The following LHFPL3 variants were observed in gnomAD, a reference collection of about 807,000 sequenced individuals.
The protein encoded by LHFPL3 is LHFPL tetraspan subfamily member 3 protein.
In LHFPL3, 5 loss-of-function variants were observed where a neutral mutation model predicts 19.3. The ratio of observed to expected loss-of-function variants is 0.26; its 90% CI spans 0.14 to 0.54. LHFPL3 has a LOEUF of 0.54. Among genes scored for constraint, LHFPL3 ranks in the 20% least tolerant of loss-of-function variants. The probability of loss-of-function intolerance (pLI) is 0.94; values close to 1 mark genes in which losing one functional copy is unlikely to be tolerated. For missense variants in LHFPL3, 249 were observed against 307.4 expected, an observed-to-expected ratio of 0.81 and a Z score of 1.42; for synonymous variants, 133 against 126.2, an observed-to-expected ratio of 1.05 and a Z score of -0.36.
At chr7:104,752,993 C>T (rs1052733937) in intron 2 of LHFPL3, among the ~76,000 whole-genome samples, 1 of 152,196 alleles carries the variant, frequency 6.6e-6, no homozygotes, top group South Asian at 2.1e-4. Flanking sequence ...TTAGGGGTCA[C>T]TCTTTGTGTT....
At chr7:104,764,418 G>A (rs774999967) in intron 2 of LHFPL3, among the ~76,000 whole-genome samples, 32 of 152,172 alleles carry the variant, frequency 2.1e-4, no homozygotes, top group South Asian at 6.2e-4. Context: ...TGATCCACCC[G>A]CCTTGGCCTC....
At chr7:104,411,561 A>C (rs948066286) in intron 1 of LHFPL3, among the ~76,000 whole-genome samples, 1 of 152,156 alleles carries the variant, frequency 6.6e-6, no homozygotes, top group Admixed American at 6.5e-5. Flanking sequence ...CATAGATCTG[A>C]TTAAAACTTA....
At chr7:104,604,837 T>C (rs1304112861) in intron 1 of LHFPL3, among the ~76,000 whole-genome samples, 1 of 152,338 alleles carries the variant, frequency 6.6e-6, no homozygotes, top group East Asian at 1.9e-4. Context: ...TCAAAGCTGC[T>C]AGGCCATGCA....
At chr7:104,894,507 T>C (rs1230097564) in intron 2 of LHFPL3, 1 of 152,324 alleles carries the variant, frequency 6.6e-6, no homozygotes, top group South Asian at 2.1e-4. Flanking sequence ...TTCAGTCCGC[T>C]GGCACCTTCA....
rs548937839 is a variant in LHFPL3 at position 104,541,630 on chromosome 7, G to C, written c.446-195045G>C. 5.9e-5 allele frequency among the ~76,000 whole-genome samples: 9 copies of C among 152,278 alleles called. No individual in the cohort carries two copies. In the South Asian group the frequency reaches 1.9e-3, roughly 32 times the overall value. On this transcript the variant is annotated intron_variant, in intron 1 of 2. Coordinates refer to ENST00000424859, the MANE Select transcript of LHFPL3 (RefSeq NM_199000.3). ...TTGGCAATGTGGGAGGATGGAGCAAGATTACTGGAAAGGATTCTTAAGTGA... is the reference window on the plus strand; with the variant it reads ...TTGGCAATGTGGGAGGATGGAGCAACATTACTGGAAAGGATTCTTAAGTGA...
At chr7:104,456,331 G>T (rs1792540251) in intron 1 of LHFPL3, among the ~76,000 whole-genome samples, 1 of 152,106 alleles carries the variant, frequency 6.6e-6, no homozygotes, top group African/African-American at 2.4e-5. Flanking sequence ...CATACATGGA[G>T]GATTACTGAT....
chr7:104,368,490 C>G (rs1790540033), intron 1 of LHFPL3, among the ~76,000 whole-genome samples: 1 of 152,134 alleles, frequency 6.6e-6, no homozygotes, highest in South Asian at 2.1e-4. Context: ...AGGTAGGGTC[C>G]CATTTCTGCG....
At chr7:104,488,414 A>G (rs1283027206) in intron 1 of LHFPL3, among the ~76,000 whole-genome samples, 1 of 150,948 alleles carries the variant, frequency 6.6e-6, no homozygotes, top group African/African-American at 2.4e-5. Flanking sequence ...GGAGAGTGGT[A>G]AGATCTTTGA....
intron 1 of LHFPL3, among the ~76,000 whole-genome samples, chr7:104,555,291 C>A (rs767903162): frequency 6.6e-6 from 1 of 152,090 alleles, no homozygotes; most frequent in Non-Finnish European, 1.5e-5. Flanking sequence ...AAAAGAGAAC[C>A]CAGAGAGCAT....
chr7:104,532,630 C>A (rs560374003), intron 1 of LHFPL3, among the ~76,000 whole-genome samples: 60 of 152,244 alleles, frequency 3.9e-4, no homozygotes, highest in African/African-American at 1.4e-3. Context: ...TCTTCCTACA[C>A]CTCATTACTC....
At chr7:104,504,626 C>T (rs911617061) in intron 1 of LHFPL3, among the ~76,000 whole-genome samples, 4 of 152,126 alleles carry the variant, frequency 2.6e-5, no homozygotes, top group Non-Finnish European at 4.4e-5. Context: ...ATATAGGGGT[C>T]TCAGGGTTGA....
intron 1 of LHFPL3, among the ~76,000 whole-genome samples, chr7:104,722,033 T>A (rs546598292): frequency 1.3e-5 from 2 of 152,296 alleles, no homozygotes; most frequent in South Asian, 4.1e-4. Context: ...TAAATTCTGA[T>A]TTTCATTTTA....
At chr7:104,536,640 AGACTTCC>A (rs1794393519) in intron 1 of LHFPL3, among the ~76,000 whole-genome samples, 1 of 152,164 alleles carries the variant, frequency 6.6e-6, no homozygotes, top group Non-Finnish European at 1.5e-5. Context: ...TTTTGACCTG[AGACTTCC>A]GGAGTGTTTC....
At chr7:104,635,036 A>G (rs1364521641) in intron 1 of LHFPL3, among the ~76,000 whole-genome samples, 1 of 152,204 alleles carries the variant, frequency 6.6e-6, no homozygotes, top group Non-Finnish European at 1.5e-5. Context: ...CAAGAATAAA[A>G]TGTTATGTAT....
intron 1 of LHFPL3, among the ~76,000 whole-genome samples, chr7:104,527,499 T>A (rs1191474359): frequency 6.6e-6 from 1 of 152,132 alleles, no homozygotes; most frequent in Non-Finnish European, 1.5e-5. Context: ...GGAACAGAGT[T>A]TCTGCAAGAA....
chr7:104,393,545 G>C (rs376887471), intron 1 of LHFPL3, among the ~76,000 whole-genome samples: 1 of 151,840 alleles, frequency 6.6e-6, no homozygotes, highest in Admixed American at 6.6e-5. Context: ...GTGAAACCCC[G>C]TCTCTACTAA....
At chr7:104,780,717 C>T (rs1210471299) in intron 2 of LHFPL3, among the ~76,000 whole-genome samples, 1 of 152,166 alleles carries the variant, frequency 6.6e-6, no homozygotes, top group Non-Finnish European at 1.5e-5. Context: ...TTTCAGACAC[C>T]TCTTTTGTCC....
At chr7:104,638,763 C>CTT (rs60096495) in intron 1 of LHFPL3, among the ~76,000 whole-genome samples, 14 of 141,690 alleles carry the variant, frequency 9.9e-5, no homozygotes, top group Non-Finnish European at 9.2e-5. Flanking sequence ...GGTGGGGTAG[C>CTT]TTTTTTTTTT....
intron 1 of LHFPL3, among the ~76,000 whole-genome samples, chr7:104,595,675 G>A (rs1210073221): frequency 6.6e-6 from 1 of 152,268 alleles, no homozygotes; most frequent in Non-Finnish European, 1.5e-5. Flanking sequence ...CAGAGGTGGA[G>A]TCTAGAGGCA....
Sources: gnomAD v4.1 joint callset for allele counts (sites outside exome capture counted in the v4.1 genomes callset) on GRCh38, gnomAD v4.1.1 for gene constraint, MANE v1.5 for transcripts, NCBI Gene and HGNC (gene_info 2026-07-23, HGNC 2026-07-21) for gene names.